Variants in PTPRN2 observed in about 807,000 individuals in gnomAD.
PTPRN2 encodes receptor-type tyrosine-protein phosphatase N2.
A neutral mutation model predicts 118.8 loss-of-function variants in PTPRN2; 74 were observed. That is an observed-to-expected ratio of 0.62 (90% CI 0.52 to 0.76). PTPRN2 has a LOEUF of 0.76. PTPRN2 is among the 30% of genes least tolerant of loss of function. The pLI, the probability that PTPRN2 is intolerant of heterozygous loss-of-function variation, is 0.00. For missense variants in PTPRN2, 1,481 were observed against 1,394.4 expected, an observed-to-expected ratio of 1.06 and a Z score of -0.99; for synonymous variants, 641 against 608.0, an observed-to-expected ratio of 1.05 and a Z score of -0.80.
chr7:158,537,813 C>T (rs1042654305), intron 1 of PTPRN2, among the ~76,000 whole-genome samples: 1 of 152,230 alleles, frequency 6.6e-6, no homozygotes, highest in African/African-American at 2.4e-5. Flanking sequence ...ATCTCACCAG[C>T]GCTTTCAGCC....
intron 16 of PTPRN2, among the ~76,000 whole-genome samples, chr7:157,602,405 C>T (rs1801724740): frequency 6.6e-6 from 1 of 152,306 alleles, no homozygotes; most frequent in East Asian, 1.9e-4. Context: ...CCGCTGAGAC[C>T]AGCAGAGCCG....
intron 12 of PTPRN2, among the ~76,000 whole-genome samples, chr7:157,757,361 C>G (rs939886000): frequency 6.6e-6 from 1 of 152,102 alleles, no homozygotes; most frequent in Non-Finnish European, 1.5e-5. Context: ...GAAGGCAGAG[C>G]GGGAGAGCAG....
In PTPRN2 at chr7:157,615,977, G is replaced by A. The variant is rs1368538972; in HGVS notation, c.2344+5385C>T. The A allele has an allele frequency of 4.1e-6, 1 of 242,720 alleles. No individual in the cohort carries two copies. The highest frequency in any genetic ancestry group is 2.3e-5 in the African/African-American group (1 of 44,128). 15.0% of individuals were successfully genotyped at this position (242,720 alleles called of 1,614,324 possible). A position where few individuals can be genotyped will look rare whatever the true frequency, so the allele number is the denominator to read the frequency against. On this transcript the variant is annotated intron_variant, in intron 15 of 22. Coordinates refer to ENST00000389418, the MANE Select transcript of PTPRN2 (RefSeq NM_002847.5). The surrounding 1 kb of genome is among the most constrained non-coding windows in gnomAD (Gnocchi z 4.3). The stretch of plus-strand genomic sequence containing the variant: ...TGGATAAAGTGGGAGGCCTGATCCA[G>A]GAAGAAGCACACCGTGGCCTGGGGC...
chr7:158,006,811 C>T (rs7807251), intron 11 of PTPRN2, among the ~76,000 whole-genome samples: 23,051 of 152,090 alleles, frequency 0.15, 1,817 homozygotes, highest in Admixed American at 0.18. Context: ...AAACCTGTAA[C>T]GCATCATGTC....
In PTPRN2 at chr7:157,951,366, A is replaced by G. The variant is rs141421557; in HGVS notation, c.1724-52629T>C. Among the ~76,000 whole-genome samples the G allele has an allele frequency of 8.3e-3, 1,272 of 152,344 alleles. 21 individuals are homozygous for G. Among genetic ancestry groups the G allele is most frequent in the African/African-American group, 0.029 (1,192 of 41,576 alleles). ...TGACTGGGGATGTGTAAGAACAGCGAAGAGAACTGGACAGGCTGTGTCCTG... is the reference window on the plus strand; with the variant it reads ...TGACTGGGGATGTGTAAGAACAGCGGAGAGAACTGGACAGGCTGTGTCCTG... On this transcript the variant is annotated intron_variant, in intron 11 of 22. Coordinates refer to ENST00000389418, the MANE Select transcript of PTPRN2 (RefSeq NM_002847.5).
chr7:157,717,900 T>C (rs1487927073), intron 12 of PTPRN2, among the ~76,000 whole-genome samples: 1 of 152,280 alleles, frequency 6.6e-6, no homozygotes, highest in Non-Finnish European at 1.5e-5. Context: ...CAGAGGTTTA[T>C]ATGAAGCCAT....
intron 14 of PTPRN2, among the ~76,000 whole-genome samples, chr7:157,644,327 T>C (rs1320671855): frequency 1.3e-5 from 2 of 152,180 alleles, no homozygotes; most frequent in African/African-American, 2.4e-5. Flanking sequence ...CCTGCCTGCA[T>C]TGTAGACTTC....
At chr7:158,114,102 G>T (rs1816531759) in intron 9 of PTPRN2, among the ~76,000 whole-genome samples, 1 of 152,364 alleles carries the variant, frequency 6.6e-6, no homozygotes. Context: ...CCCTTTGTAG[G>T]TGAAGGTGAC....
intron 2 of PTPRN2, among the ~76,000 whole-genome samples, chr7:158,336,341 G>C (rs62480958): frequency 1.4e-5 from 1 of 69,876 alleles, no homozygotes; most frequent in African/African-American, 5.7e-5. Flanking sequence ...ACCTGCAGAC[G>C]TCACTCACAC....
intron 6 of PTPRN2, among the ~76,000 whole-genome samples, chr7:158,153,428 G>C (rs1821394081): frequency 2.0e-5 from 3 of 152,192 alleles, no homozygotes; most frequent in Admixed American, 2.0e-4. Flanking sequence ...AGAGCACCCT[G>C]TAACACATGC....
chr7:157,688,400 G>A (rs1050565758), intron 12 of PTPRN2, among the ~76,000 whole-genome samples: 5 of 152,224 alleles, frequency 3.3e-5, no homozygotes, highest in African/African-American at 7.2e-5. Context: ...GATTGCCTCC[G>A]GTGGGAGAGA....
At chr7:158,259,755 A>G (rs1422363508) in intron 3 of PTPRN2, among the ~76,000 whole-genome samples, 1 of 148,222 alleles carries the variant, frequency 6.7e-6, no homozygotes, top group Non-Finnish European at 1.5e-5. Context: ...ATGAGTACAC[A>G]TATGTGCATG....
intron 11 of PTPRN2, among the ~76,000 whole-genome samples, chr7:158,038,943 C>T (rs1808268213): frequency 6.6e-6 from 1 of 151,816 alleles, no homozygotes; most frequent in Non-Finnish European, 1.5e-5. Context: ...AAAGCTGCTC[C>T]ACCTTATTTG....
intron 2 of PTPRN2, among the ~76,000 whole-genome samples, chr7:158,383,342 T>A (rs912698398): frequency 1.3e-5 from 2 of 152,210 alleles, no homozygotes; most frequent in Non-Finnish European, 2.9e-5. Context: ...GGGCCAGTAT[T>A]TGCTTCAGAA....
At chr7:158,204,896 C>T (rs1009251740) in intron 4 of PTPRN2, among the ~76,000 whole-genome samples, 2 of 152,132 alleles carry the variant, frequency 1.3e-5, no homozygotes, top group Non-Finnish European at 2.9e-5. Flanking sequence ...TATCTGCTTT[C>T]GACCAAGGCC....
At position 158,112,241 on chromosome 7, in the gene PTPRN2, A is replaced by C. The variant is rs77291631; in HGVS notation, c.1557-1326T>G. Among the ~76,000 whole-genome samples the C allele has an allele frequency of 3.8e-3, 572 of 152,322 alleles. 5 individuals carry two copies. Among genetic ancestry groups the C allele is most frequent in the African/African-American group, 0.013 (559 of 41,566 alleles). ...ACAGCTGGGTAGAGAAGTGGCATGC[A>C]GGGCTGTGGAGGGAAGGGCAGAGAG... On this transcript the variant is annotated intron_variant, in intron 9 of 22. Coordinates refer to ENST00000389418, the MANE Select transcript of PTPRN2 (RefSeq NM_002847.5).
rs746193830 is a variant in PTPRN2, at chr7:157,621,441, G to C, written c.2265C>G (p.Tyr755Ter). The change falls in exon 15 of 23, where the codon TAC becomes TAG. Residue 755 changes from tyrosine (Y) to a stop codon, truncating the protein, a stop_gained. Transcript: ENST00000389418. LOFTEE classifies it high-confidence loss of function. The part of the protein sequence containing the change: ...LEKEWEALCA[Y>*]QAEPNSSFVA... ...CGAACGAGCTGTTGGGCTCCGCCTGGTAGGCGCACAGCGCTTCCCACTCCT... is the reference window on the plus strand; with the variant it reads ...CGAACGAGCTGTTGGGCTCCGCCTGCTAGGCGCACAGCGCTTCCCACTCCT... 1 of 1,613,940 alleles carries C rather than the reference G, an allele frequency of 6.2e-7. No homozygotes were observed. Among genetic ancestry groups the C allele is most frequent in the Non-Finnish European group, 8.5e-7 (1 of 1,180,026 alleles).
At chr7:158,300,567 C>CGCCACCCAGTCCCGCAGCGCCTCGCCT (rs1800819120) in intron 3 of PTPRN2, among the ~76,000 whole-genome samples, 1 of 151,906 alleles carries the variant, frequency 6.6e-6, no homozygotes. Flanking sequence ...GCGCCTCGCC[C>CGCCACCCAGTCCCGCAGCGCCTCGCCT]GCCACCCAGT....
chr7:158,345,421 C>T (rs1289076357), intron 2 of PTPRN2, among the ~76,000 whole-genome samples: 1 of 152,106 alleles, frequency 6.6e-6, no homozygotes, highest in East Asian at 1.9e-4. Flanking sequence ...GAGTAAGCTT[C>T]GGAGGCTCAG....
Sources: allele counts gnomAD v4.1 joint callset (sites outside exome capture counted in the v4.1 genomes callset), GRCh38; gene constraint gnomAD v4.1.1; non-coding constraint Gnocchi (gnomAD v3.1); transcripts MANE v1.5; gene names NCBI Gene and HGNC (gene_info 2026-07-23, HGNC 2026-07-21).